BCAR3: variants seen among roughly 807,000 people sequenced by gnomAD.
The protein encoded by BCAR3 is breast cancer anti-estrogen resistance protein 3.
Under a neutral mutation model 80.1 loss-of-function variants are expected in BCAR3, and 37 were observed. The observed-to-expected ratio is 0.46, with a 90% CI of 0.36 to 0.61. The LOEUF is 0.61. Among genes scored for constraint, BCAR3 ranks in the 20% least tolerant of loss-of-function variants. The pLI is 0.00. For synonymous variants in BCAR3, 389 were observed against 418.9 expected, an observed-to-expected ratio of 0.93 and a Z score of 0.87; for missense variants, 978 against 1,068.2, an observed-to-expected ratio of 0.92 and a Z score of 1.18.
chr1:93,648,418 T>A (rs1676214150), intron 2 of BCAR3, among the ~76,000 whole-genome samples: 1 of 152,132 alleles, frequency 6.6e-6, no homozygotes, highest in African/African-American at 2.4e-5. Context: ...TGAAAAGGGA[T>A]GGTCTTCAAC....
At chr1:93,781,039 G>A (rs1034014984) in intron 2 of BCAR3, among the ~76,000 whole-genome samples, 2 of 152,208 alleles carry the variant, frequency 1.3e-5, no homozygotes, top group East Asian at 3.8e-4. Context: ...AAGAAGGGCA[G>A]CCACCATGTA....
At chr1:93,717,804 G>GC (rs1650243143) in intron 2 of BCAR3, among the ~76,000 whole-genome samples, 1 of 151,914 alleles carries the variant, frequency 6.6e-6, no homozygotes, top group Non-Finnish European at 1.5e-5. Flanking sequence ...GGTTTCCTTT[G>GC]CAGGGTTGTT....
At chr1:93,810,826 G>C (rs1653816716) in intron 2 of BCAR3, among the ~76,000 whole-genome samples, 1 of 152,166 alleles carries the variant, frequency 6.6e-6, no homozygotes, top group Admixed American at 6.5e-5. Context: ...ATGTAGAACA[G>C]AGCAGTACAC....
rs1371419451 is a variant in BCAR3 at position 93,592,197 on chromosome 1, G to A, written c.486+68C>T. ...CCATGTGGCCTCGGAGTGGGACCCT[G>A]CGGGTCATCAATCTGTACATTGCCT... is the stretch of plus-strand genomic sequence containing the variant. On this transcript the variant is annotated intron_variant, in intron 4 of 11. Coordinates refer to ENST00000260502, the MANE Select transcript of BCAR3 (RefSeq NM_003567.4). The surrounding 1 kb of genome is among the most constrained non-coding windows in gnomAD (Gnocchi z 4.8). 86 of 1,597,122 alleles carry A rather than the reference G, an allele frequency of 5.4e-5. No individual in the cohort carries two copies. Among genetic ancestry groups the A allele is most frequent in the Non-Finnish European group, 7.3e-5 (86 of 1,173,598 alleles).
chr1:93,816,435 G>A (rs2100811963), intron 2 of BCAR3, among the ~76,000 whole-genome samples: 1 of 152,164 alleles, frequency 6.6e-6, no homozygotes, highest in Admixed American at 6.5e-5. Context: ...CACTTTGGGA[G>A]GTTGAGGCAG....
At chr1:93,781,176 A>C (rs572638558) in intron 2 of BCAR3, among the ~76,000 whole-genome samples, 216 of 152,372 alleles carry the variant, frequency 1.4e-3, no homozygotes, top group African/African-American at 4.9e-3. Context: ...AAATAAGACA[A>C]TACAAAAGAA....
intron 3 of BCAR3, among the ~76,000 whole-genome samples, chr1:93,629,621 T>C (rs768202969): frequency 1.4e-4 from 21 of 152,228 alleles, no homozygotes; most frequent in Non-Finnish European, 2.9e-4. Flanking sequence ...AACCGAATTG[T>C]AGCCAAATGC....
At chr1:93,689,303 A>G (rs993917336) in intron 3 of BCAR3, among the ~76,000 whole-genome samples, 2 of 152,162 alleles carry the variant, frequency 1.3e-5, no homozygotes, top group African/African-American at 4.8e-5. Flanking sequence ...CCTGGCCAAC[A>G]TGGTGAAATC....
At chr1:93,734,744 C>A (rs1293349691) in intron 2 of BCAR3, among the ~76,000 whole-genome samples, 1 of 152,146 alleles carries the variant, frequency 6.6e-6, no homozygotes, top group African/African-American at 2.4e-5. Context: ...TGTTACTGGG[C>A]CAATCAGAAG....
chr1:93,840,657 TA>T (rs2100848843), intron 2 of BCAR3, among the ~76,000 whole-genome samples: 1 of 152,270 alleles, frequency 6.6e-6, no homozygotes, highest in Non-Finnish European at 1.5e-5. Flanking sequence ...AAGCAGGAAT[TA>T]GGACACTGAA....
chr1:93,638,276 C>G (rs1038975606), intron 3 of BCAR3, among the ~76,000 whole-genome samples: 1 of 152,150 alleles, frequency 6.6e-6, no homozygotes, highest in African/African-American at 2.4e-5. Flanking sequence ...AGTGTGGACC[C>G]AGCTCCCTCC....
intron 2 of BCAR3, among the ~76,000 whole-genome samples, chr1:93,655,584 C>T (rs1647347324): frequency 6.6e-6 from 1 of 152,152 alleles, no homozygotes; most frequent in African/African-American, 2.4e-5. Flanking sequence ...TAGCAAATAC[C>T]TTTGCCTCCA....
At position 93,582,644 on chromosome 1, in the gene BCAR3, G is replaced by A. The variant is rs768251210; in HGVS notation, c.1343C>T (p.Ser448Leu). ...TGCGRGAKLP[S>L]CAQGSHTELL... is the part of the protein sequence containing the mutation. ...TTCTGTGTGGCTTCCCTGGGCACATGAGGGTAGCTTTGCTCCCCTGCCGCA... is the reference window on the plus strand; with the variant it reads ...TTCTGTGTGGCTTCCCTGGGCACATAAGGGTAGCTTTGCTCCCCTGCCGCA... Residue 448 changes from serine (S) to leucine (L), a missense_variant, in exon 7 of 12, where the codon TCA becomes TTA. Transcript: ENST00000260502. 1 of 1,614,066 alleles carries A rather than the reference G, an allele frequency of 6.2e-7. No individual in the cohort carries two copies. Among genetic ancestry groups the A allele is most frequent in the South Asian group, 1.1e-5 (1 of 91,072 alleles).
chr1:93,687,072 A>G (rs1293581218), intron 3 of BCAR3, among the ~76,000 whole-genome samples: 1 of 152,186 alleles, frequency 6.6e-6, no homozygotes, highest in Non-Finnish European at 1.5e-5. Flanking sequence ...ATAGACTCTA[A>G]GATCTATATC....
chr1:93,664,411 G>A (rs1274127091), intron 2 of BCAR3, among the ~76,000 whole-genome samples: 3 of 152,150 alleles, frequency 2.0e-5, no homozygotes, highest in East Asian at 1.9e-4. Context: ...GAGCCACCGC[G>A]CCTGGCCCAG....
chr1:93,766,441 G>A (rs1195593574), intron 2 of BCAR3, among the ~76,000 whole-genome samples: 2 of 152,256 alleles, frequency 1.3e-5, no homozygotes, highest in Non-Finnish European at 2.9e-5. Context: ...CCTCCAGACT[G>A]AGAAGCAAGA....
At chr1:93,689,954 C>G (rs114080566) in intron 3 of BCAR3, among the ~76,000 whole-genome samples, 2,801 of 152,294 alleles carry the variant, frequency 0.018, 81 homozygotes, top group African/African-American at 0.063. Flanking sequence ...CAGGGGTTCA[C>G]TTTCCTGTAC....
At chr1:93,834,814 C>T (rs760639933) in intron 2 of BCAR3, among the ~76,000 whole-genome samples, 1 of 152,202 alleles carries the variant, frequency 6.6e-6, no homozygotes, top group African/African-American at 2.4e-5. Flanking sequence ...CCACAATTAC[C>T]ATTGTTCCTG....
At chr1:93,812,276 G>C (rs1444267159) in intron 2 of BCAR3, among the ~76,000 whole-genome samples, 2 of 151,840 alleles carry the variant, frequency 1.3e-5, no homozygotes. Flanking sequence ...CTTTCCCCAG[G>C]CCCTTCCGTC....
Sources: gnomAD v4.1 joint callset for allele counts (sites outside exome capture counted in the v4.1 genomes callset) on GRCh38, gnomAD v4.1.1 for gene constraint, Gnocchi (gnomAD v3.1) non-coding constraint, MANE v1.5 for transcripts, NCBI Gene and HGNC (gene_info 2026-07-23, HGNC 2026-07-21) for gene names.